NTRK2: variants seen among roughly 807,000 people sequenced by gnomAD.
NTRK2 encodes the protein BDNF/NT-3 growth factors receptor.
In NTRK2, 13 loss-of-function variants were observed where a neutral mutation model predicts 94.5. The ratio of observed to expected loss-of-function variants is 0.14; its 90% CI spans 0.09 to 0.22. The LOEUF is 0.22. NTRK2 is among the 10% of genes least tolerant of loss of function. NTRK2 has a pLI of 1.00. For missense variants in NTRK2, 639 were observed against 1,071.2 expected, an observed-to-expected ratio of 0.60 and a Z score of 5.63; for synonymous variants, 372 against 407.4, an observed-to-expected ratio of 0.91 and a Z score of 1.05.
chr9:84,924,229 T>TAGAAAGAAAAGAA lies in NTRK2; in HGVS notation c.1634-9924_1634-9923insAGAAAGAAAGAAA, dbSNP rs1554769295. On this transcript the variant is annotated intron_variant, in intron 14 of 18. Coordinates refer to ENST00000277120, the MANE Select transcript of NTRK2 (RefSeq NM_006180.6). The stretch of plus-strand genomic sequence containing the variant: ...GAGACCCTGTCTCAAAGAAAGAAAG[T>TAGAAAGAAAAGAA]AGAAAGAAAGAAAGAAAGAAAGAAA... Among the ~76,000 whole-genome samples the TAGAAAGAAAAGAA allele has an allele frequency of 1.1e-3, 123 of 115,682 alleles. 1 individual carries two copies. Among genetic ancestry groups the TAGAAAGAAAAGAA allele is most frequent in the East Asian group, 8.9e-3 (35 of 3,924 alleles). 75.9% of individuals were successfully genotyped at this position (115,682 alleles called of 152,430 possible). A position where few individuals can be genotyped will look rare whatever the true frequency, so the allele number is the denominator to read the frequency against.
At chr9:84,815,283 C>T (rs754819496) in intron 12 of NTRK2, 3 of 1,052,800 alleles carry the variant, frequency 2.8e-6, no homozygotes, top group Non-Finnish European at 3.4e-6. Flanking sequence ...CCACCCCTAA[C>T]TACTGACTAT....
At chr9:84,946,243 C>T (rs1023502366) in intron 15 of NTRK2, among the ~76,000 whole-genome samples, 1 of 152,230 alleles carries the variant, frequency 6.6e-6, no homozygotes, top group Admixed American at 6.5e-5. Context: ...GGATTCACAA[C>T]TCACGTGCCA....
chr9:84,858,421 C>T (rs571691649), intron 12 of NTRK2, among the ~76,000 whole-genome samples: 1 of 151,996 alleles, frequency 6.6e-6, no homozygotes, highest in East Asian at 1.9e-4. Context: ...ACTTGTACTT[C>T]CCATTTCCCT....
chr9:84,809,138 A>G (rs1432844356), intron 12 of NTRK2, among the ~76,000 whole-genome samples: 1 of 152,086 alleles, frequency 6.6e-6, no homozygotes, highest in Non-Finnish European at 1.5e-5. Context: ...TTCTTGCAGA[A>G]CTTATCTCAT....
intron 14 of NTRK2, among the ~76,000 whole-genome samples, chr9:84,924,240 A>AAAGAAAGAAAGG (rs2077672301): frequency 8.5e-6 from 1 of 116,968 alleles, no homozygotes; most frequent in Admixed American, 9.8e-5. Flanking sequence ...AGAAAGAAAG[A>AAAGAAAGAAAGG]AAGAAAGAAA....
intron 9 of NTRK2, among the ~76,000 whole-genome samples, chr9:84,729,800 G>A (rs1298705409): frequency 2.0e-5 from 3 of 152,332 alleles, no homozygotes; most frequent in East Asian, 3.9e-4. Flanking sequence ...AGTGGTCTGA[G>A]TCTTTTGATA....
chr9:84,990,181 C>G (rs1366956994), intron 17 of NTRK2, among the ~76,000 whole-genome samples: 2 of 152,132 alleles, frequency 1.3e-5, no homozygotes, highest in African/African-American at 4.8e-5. Context: ...GGCGGATATT[C>G]ATCTTTGTAT....
intron 2 of NTRK2, among the ~76,000 whole-genome samples, chr9:84,673,401 C>G (rs764346082): frequency 1.3e-5 from 2 of 152,136 alleles, no homozygotes; most frequent in African/African-American, 2.4e-5. Flanking sequence ...TATTTTAAAA[C>G]TTTGTTGTTA....
chr9:84,890,541 A>T (rs926281808), intron 14 of NTRK2, among the ~76,000 whole-genome samples: 1 of 152,210 alleles, frequency 6.6e-6, no homozygotes, highest in African/African-American at 2.4e-5. Flanking sequence ...ATCCTCTAGG[A>T]TCAGTTATAG....
chr9:84,668,973 C>A (rs1404940056), upstream of NTRK2, among the ~76,000 whole-genome samples: 1 of 152,150 alleles, frequency 6.6e-6, no homozygotes, highest in Non-Finnish European at 1.5e-5. Context: ...GCGCTCCCTT[C>A]CCCTCACATG....
chr9:84,873,148 G>A (rs1467799136), intron 14 of NTRK2: 7 of 1,063,770 alleles, frequency 6.6e-6, no homozygotes, highest in South Asian at 4.6e-5. Flanking sequence ...ATGGTCAGAG[G>A]TAGGACTGAA....
chr9:84,916,079 C>T (rs1286683654), intron 14 of NTRK2, among the ~76,000 whole-genome samples: 4 of 152,028 alleles, frequency 2.6e-5, no homozygotes, highest in Admixed American at 2.6e-4. Context: ...GAGTCCACAA[C>T]GTGCAGTGCT....
intron 16 of NTRK2, among the ~76,000 whole-genome samples, chr9:84,950,590 TG>T (rs2078745126): frequency 6.3e-5 from 3 of 47,630 alleles, no homozygotes; most frequent in Non-Finnish European, 1.1e-4. Flanking sequence ...GGGTCTAATA[TG>T]TTTTTTTTTT....
chr9:84,781,488 A>T (rs907771248), intron 12 of NTRK2, among the ~76,000 whole-genome samples: 1 of 152,242 alleles, frequency 6.6e-6, no homozygotes, highest in Admixed American at 6.5e-5. Context: ...TACCCATTAA[A>T]GACCTAGCCT....
intron 2 of NTRK2, among the ~76,000 whole-genome samples, chr9:84,685,021 A>T (rs1278351781): frequency 6.6e-6 from 1 of 151,956 alleles, no homozygotes; most frequent in Non-Finnish European, 1.5e-5. Flanking sequence ...GTGGCTAAGA[A>T]GATTATTCCC....
chr9:84,697,779 T>C (rs1431153550), intron 2 of NTRK2, among the ~76,000 whole-genome samples: 1 of 152,178 alleles, frequency 6.6e-6, no homozygotes, highest in East Asian at 1.9e-4. Flanking sequence ...AGAAAGCTGT[T>C]AGCTGTTTGC....
In NTRK2 at chr9:85,026,960, T is replaced by C. The variant is rs149475407; in HGVS notation, c.*5523T>C. ...AAAAAAAAGTTTTGTTTGTAAATCATGTGACCAGCTTCTCTCAACCTGACA... is the reference window on the plus strand; with the variant it reads ...AAAAAAAAGTTTTGTTTGTAAATCACGTGACCAGCTTCTCTCAACCTGACA... On this transcript the variant is annotated 3_prime_UTR_variant, in exon 19 of 19. Transcript: ENST00000277120. 103 of 232,570 alleles carry C rather than the reference T, an allele frequency of 4.4e-4. No individual in the cohort carries two copies. The highest frequency in any genetic ancestry group is 2.0e-3 in the Admixed American group (36 of 17,756). 14.4% of individuals were successfully genotyped at this position (232,570 alleles called of 1,614,324 possible).
chr9:84,824,933 G>A (rs969183196), intron 12 of NTRK2, among the ~76,000 whole-genome samples: 23 of 151,530 alleles, frequency 1.5e-4, no homozygotes, highest in Non-Finnish European at 2.8e-4. Flanking sequence ...AGAAGCTACA[G>A]CACCATCTGC....
At chr9:84,770,917 C>T (rs965069553) in intron 12 of NTRK2, among the ~76,000 whole-genome samples, 4 of 152,156 alleles carry the variant, frequency 2.6e-5, no homozygotes, top group Admixed American at 1.3e-4. Context: ...GCTAACTCTC[C>T]TTTCCCCCCT....
Sources: allele counts gnomAD v4.1 joint callset (sites outside exome capture counted in the v4.1 genomes callset), GRCh38; gene constraint gnomAD v4.1.1; transcripts MANE v1.5; gene names NCBI Gene and HGNC (gene_info 2026-07-23, HGNC 2026-07-21).